The following SEC61B variants were observed in gnomAD, a reference collection of about 807,000 sequenced individuals.
SEC61B encodes the protein SEC61 translocon subunit beta, also known as protein transport protein Sec61 subunit beta.
Under a neutral mutation model 12.6 loss-of-function variants are expected in SEC61B, and 7 were observed. The ratio of observed to expected loss-of-function variants is 0.55; its 90% CI spans 0.32 to 1.04. The LOEUF (loss-of-function observed/expected upper bound fraction) is 1.04. SEC61B is among the 50% of genes least tolerant of loss of function. SEC61B has a pLI of 0.05. For missense variants in SEC61B, 107 were observed against 130.1 expected, an observed-to-expected ratio of 0.82 and a Z score of 0.86; for synonymous variants, 54 against 50.1, an observed-to-expected ratio of 1.08 and a Z score of -0.33.
At position 99,222,384 on chromosome 9, in the gene SEC61B, T is replaced by C. The variant is rs757790906; in HGVS notation, c.3+18T>C. 2 of 1,614,128 alleles carry C rather than the reference T, an allele frequency of 1.2e-6. No individual in the cohort carries two copies. Among genetic ancestry groups the C allele is most frequent in the Non-Finnish European group, 1.7e-6 (2 of 1,179,978 alleles). On this transcript the variant is annotated intron_variant, in intron 1 of 3. Transcript: ENST00000223641. ...CCAATATGGTATGGCGGCCCTTCCA[T>C]GATCCCCGCCTCTCCCAGAAGCCCT...
At chr9:99,222,697 C>CAGCGAGGTTCTGGG in intron 2 of SEC61B, 54 bp downstream of exon 2, 1 of 1,229,858 alleles carries the variant, frequency 8.1e-7, no homozygotes, top group Non-Finnish European at 1.1e-6. Flanking sequence ...GACCCAGAAC[C>CAGCGAGGTTCTGGG]TCGCTGATTC....
At chr9:99,227,252 C>T (rs529842647) in intron 2 of SEC61B, among the ~76,000 whole-genome samples, 26 of 115,076 alleles carry the variant, frequency 2.3e-4, no homozygotes, top group South Asian at 1.6e-3. Flanking sequence ...GGCAACAGAG[C>T]GAAACTCCAT....
intron 3 of SEC61B, 98 bp downstream of exon 3, chr9:99,228,098 G>T: frequency 2.2e-6 from 2 of 917,446 alleles, no homozygotes; most frequent in Admixed American, 2.2e-5. Flanking sequence ...GCCTTGATGC[G>T]ATTTACTGTA....
intron 2 of SEC61B, among the ~76,000 whole-genome samples, 158 bp from the exon 3 acceptor site, chr9:99,227,741 T>C (rs376745915): frequency 9.8e-5 from 15 of 152,296 alleles, no homozygotes; most frequent in African/African-American, 3.6e-4. Context: ...ATTGTGGTTA[T>C]CATGATCAAA....
At chr9:99,224,775 G>A (rs929065718) in intron 2 of SEC61B, among the ~76,000 whole-genome samples, 4 of 152,166 alleles carry the variant, frequency 2.6e-5, no homozygotes, top group Admixed American at 2.6e-4. Flanking sequence ...TGAGTATAAT[G>A]TAATAAGTAT....
chr9:99,227,122 T>G lies in SEC61B; in HGVS notation c.102-777T>G, dbSNP rs563287117. ...CTCTACTAAAAATACAAAAATTAGC[T>G]GGGCATGGTGGCGCACGCCTGTAAT... On this transcript the variant is annotated intron_variant, in intron 2 of 3. Coordinates refer to ENST00000223641, the MANE Select transcript of SEC61B (RefSeq NM_006808.3). 3.1e-3 allele frequency among the ~76,000 whole-genome samples: 476 copies of G among 151,842 alleles called. 2 individuals carry two copies. The highest frequency in any genetic ancestry group is 6.5e-3 in the Admixed American group (99 of 15,248).
At chr9:99,222,476 G>A in intron 1 of SEC61B, 70 bp from the exon 2 acceptor site, 1 of 1,602,446 alleles carries the variant, frequency 6.2e-7, no homozygotes, top group Non-Finnish European at 8.5e-7. Context: ...CTCGGGTGTG[G>A]GTGTCTAGGC....
chr9:99,228,533 T>C (rs1272848474), intron 3 of SEC61B, among the ~76,000 whole-genome samples: 1 of 152,154 alleles, frequency 6.6e-6, no homozygotes, highest in Non-Finnish European at 1.5e-5. Context: ...TTCTTAGGCA[T>C]TGGAGTGCTC....
At position 99,222,663 on chromosome 9, in the gene SEC61B, G is replaced by C; in HGVS notation, c.101+20G>C. ...GCAGAGGTAAGGAACCCTGCAGTTC[G>C]TTCGCTTCCAGACTCGGAGATAGGA... is the stretch of plus-strand genomic sequence containing the variant. On this transcript the variant is annotated intron_variant, in intron 2 of 3. Transcript: ENST00000223641. 2 of 1,482,574 alleles carry C rather than the reference G, an allele frequency of 1.3e-6. 1 individual carries two copies. The highest frequency in any genetic ancestry group is 3.5e-4 in the Middle Eastern group (2 of 5,772). The allele number at this position is 1,482,574 out of a possible 1,614,324, so 91.8% of individuals were successfully genotyped here. A position where few individuals can be genotyped will look rare whatever the true frequency, so the allele number is the denominator to read the frequency against.
At chr9:99,223,771 C>T (rs1828865028) in intron 2 of SEC61B, among the ~76,000 whole-genome samples, 1 of 152,156 alleles carries the variant, frequency 6.6e-6, no homozygotes, top group African/African-American at 2.4e-5. Flanking sequence ...CAAACTTTCT[C>T]CCTCATCTCA....
intron 3 of SEC61B, 95 bp from the exon 4 acceptor site, chr9:99,230,242 C>G: frequency 1.4e-6 from 1 of 699,094 alleles, no homozygotes; most frequent in Middle Eastern, 2.4e-4. Context: ...TGCTGCCCAC[C>G]TTACCTCTAC....
At chr9:99,223,846 G>C (rs866539513) in intron 2 of SEC61B, among the ~76,000 whole-genome samples, 1 of 152,206 alleles carries the variant, frequency 6.6e-6, no homozygotes, top group South Asian at 2.1e-4. Context: ...GGCCTTCTCT[G>C]TCTGTAAGCA....
At position 99,228,004 on chromosome 9, in the gene SEC61B, A is replaced by C; in HGVS notation, c.203+4A>C. 1 of 1,609,452 alleles carries C rather than the reference A, an allele frequency of 6.2e-7. No individual in the cohort carries two copies. Among genetic ancestry groups the C allele is most frequent in the Non-Finnish European group, 8.5e-7 (1 of 1,176,058 alleles). ...AAGATTCACCTGGGCTCAAAGTGTAAGTCTTAGGAACAGTCCTTGTGTTTC... is the reference window on the plus strand; with the variant it reads ...AAGATTCACCTGGGCTCAAAGTGTACGTCTTAGGAACAGTCCTTGTGTTTC... On this transcript the variant is annotated splice_donor_region_variant and intron_variant, in intron 3 of 3. Coordinates refer to ENST00000223641, the MANE Select transcript of SEC61B (RefSeq NM_006808.3).
rs576116297 is a variant in SEC61B, at chr9:99,222,301, C to T, written c.-63C>T. ...TGAGTCAGTCTCGCCAGCTGCCGGT[C>T]TTTCGGGGGCTCCGTAACTTTCTAT... On this transcript the variant is annotated 5_prime_UTR_variant, in exon 1 of 4. Transcript: ENST00000223641. 17 of 1,613,682 alleles carry T rather than the reference C, an allele frequency of 1.1e-5. No individual in the cohort carries two copies. Among genetic ancestry groups the T allele is most frequent in the African/African-American group, 4.0e-5 (3 of 75,032 alleles).
intron 2 of SEC61B, among the ~76,000 whole-genome samples, chr9:99,226,489 A>T (rs958090124): frequency 6.6e-6 from 1 of 152,090 alleles, no homozygotes; most frequent in Non-Finnish European, 1.5e-5. Flanking sequence ...CAGATACTGG[A>T]ATGAGATTTT....
At chr9:99,228,269 T>C (rs757149739) in intron 3 of SEC61B, among the ~76,000 whole-genome samples, 3 of 152,214 alleles carry the variant, frequency 2.0e-5, no homozygotes, top group Non-Finnish European at 4.4e-5. Context: ...CAGAGAGAAC[T>C]GGAGGGAAAA....
intron 3 of SEC61B, among the ~76,000 whole-genome samples, chr9:99,228,346 C>T (rs746003663): frequency 1.3e-5 from 2 of 152,194 alleles, no homozygotes; most frequent in Non-Finnish European, 2.9e-5. Context: ...TAGGAGTAAT[C>T]ATTTGAATAG....
chr9:99,224,201 A>G (rs111829008), intron 2 of SEC61B, among the ~76,000 whole-genome samples: 1 of 152,380 alleles, frequency 6.6e-6, no homozygotes, highest in Admixed American at 6.5e-5. Context: ...TTGAACTTAC[A>G]TGAAATATTT....
chr9:99,222,285 CTCG>C lies in SEC61B; in HGVS notation c.-78_-76del. On this transcript the variant is annotated 5_prime_UTR_variant, in exon 1 of 4. Transcript: ENST00000223641. ...GTCCGGGGGCGGGGCCTGAGTCAGT[CTCG>C]CCAGCTGCCGGTCTTTCGGGGGCTC... 1 of 1,608,574 alleles carries C rather than the reference CTCG, an allele frequency of 6.2e-7. No homozygotes were observed. The highest frequency in any genetic ancestry group is 8.5e-7 in the Non-Finnish European group (1 of 1,175,164).
Sources: gnomAD v4.1 joint callset for allele counts (sites outside exome capture counted in the v4.1 genomes callset) on GRCh38, gnomAD v4.1.1 for gene constraint, MANE v1.5 for transcripts, NCBI Gene and HGNC (gene_info 2026-07-23, HGNC 2026-07-21) for gene names.